The following RXYLT1 variants were observed in gnomAD, a reference collection of about 807,000 sequenced individuals.
The protein encoded by RXYLT1 is ribitol xylosyltransferase 1.
A neutral mutation model predicts 43.5 loss-of-function variants in RXYLT1; 41 were observed. That is an observed-to-expected ratio of 0.94 (90% CI 0.73 to 1.22). RXYLT1 has a LOEUF of 1.22. Among genes scored for constraint, RXYLT1 ranks in the 50% most tolerant of loss-of-function variants. The pLI, the probability that RXYLT1 is intolerant of heterozygous loss-of-function variation, is 0.00. For synonymous variants in RXYLT1, 166 were observed against 194.4 expected, an observed-to-expected ratio of 0.85 and a Z score of 1.21; for missense variants, 514 against 532.0, an observed-to-expected ratio of 0.97 and a Z score of 0.33.
At chr12:63,799,833 A>T (rs1039575195) in intron 3 of RXYLT1, among the ~76,000 whole-genome samples, 1 of 152,220 alleles carries the variant, frequency 6.6e-6, no homozygotes, top group African/African-American at 2.4e-5. Flanking sequence ...AAAGAGAAAT[A>T]CAAAGTATTC....
intron 4 of RXYLT1, among the ~76,000 whole-genome samples, chr12:63,803,181 C>CAAAAAAA (rs763579072): frequency 9.7e-4 from 22 of 22,588 alleles, no homozygotes; most frequent in Admixed American, 2.0e-3. Context: ...ACTGTCTCAC[C>CAAAAAAA]AAAAAAAAAA....
chr12:63,790,982 C>T (rs1275662429), intron 3 of RXYLT1, among the ~76,000 whole-genome samples: 1 of 152,136 alleles, frequency 6.6e-6, no homozygotes, highest in Non-Finnish European at 1.5e-5. Flanking sequence ...TGTTCCTTAA[C>T]TAAGTACTGC....
chr12:63,800,322 A>G (rs1165388640), intron 3 of RXYLT1, among the ~76,000 whole-genome samples: 1 of 152,222 alleles, frequency 6.6e-6, no homozygotes. Context: ...TGTATCATGT[A>G]TATAAAAGGC....
chr12:63,805,091 A>C, intron 4 of RXYLT1, 143 bp from the exon 5 acceptor site: 3 of 553,794 alleles, frequency 5.4e-6, no homozygotes, highest in Non-Finnish European at 8.6e-6. Flanking sequence ...TTTCCAAAGT[A>C]TTCATGGAAA....
intron 3 of RXYLT1, among the ~76,000 whole-genome samples, chr12:63,791,708 A>T (rs1897922431): frequency 6.6e-6 from 1 of 152,252 alleles, no homozygotes; most frequent in Admixed American, 6.5e-5. Context: ...TCCTTTAAAA[A>T]ATAGTAGTGA....
At position 63,809,088 on chromosome 12, in the gene RXYLT1, GTTAA is replaced by G. The variant is rs1320178225; in HGVS notation, c.1332_*3del. 2.0e-6 allele frequency: 3 copies of G among 1,502,290 alleles called. No homozygotes were observed. Among genetic ancestry groups the G allele is most frequent in the Non-Finnish European group, 2.7e-6 (3 of 1,112,558 alleles). The allele number at this position is 1,502,290 out of a possible 1,614,324, so 93.1% of individuals were successfully genotyped here. A position where few individuals can be genotyped will look rare whatever the true frequency, so the allele number is the denominator to read the frequency against. The stretch of plus-strand genomic sequence containing the variant: ...AGCTCATTTTTAATGAATAATAAAA[GTTAA>G]TTATCTTTTTGAGCTAACATGTGAT... On this transcript the variant is annotated frameshift_variant and stop_lost, in exon 6 of 6. Transcript: ENST00000261234. LOFTEE classifies it high-confidence loss of function.
At chr12:63,780,491 C>T (rs1336887136) in intron 1 of RXYLT1, 1 of 1,097,926 alleles carries the variant, frequency 9.1e-7, no homozygotes, top group Non-Finnish European at 1.1e-6. Context: ...CATGTTGAAA[C>T]AAAGCCCTCT....
chr12:63,793,771 ATAGTAT>A (rs1897969171), intron 3 of RXYLT1, among the ~76,000 whole-genome samples: 1 of 152,216 alleles, frequency 6.6e-6, no homozygotes. Context: ...TTCACATAGG[ATAGTAT>A]TATATTATTT....
chr12:63,800,279 G>C (rs565181255), intron 3 of RXYLT1, among the ~76,000 whole-genome samples: 1 of 152,240 alleles, frequency 6.6e-6, no homozygotes, highest in African/African-American at 2.4e-5. Flanking sequence ...AGAGTTGTTG[G>C]GGGGGTTAAT....
chr12:63,780,073 G>A lies in RXYLT1; in HGVS notation c.113G>A (p.Gly38Glu), dbSNP rs376486641. 45 of 1,598,430 alleles carry A rather than the reference G, an allele frequency of 2.8e-5. 1 individual carries two copies. Among genetic ancestry groups the A allele is most frequent in the Middle Eastern group, 3.3e-4 (2 of 6,022 alleles). Residue 38 changes from glycine (G) to glutamate (E), a missense_variant, in exon 1 of 6, where the codon GGG becomes GAG. Transcript: ENST00000261234. ...GGGCGCCGCCGCCAGGCGCCGGCCGGGTCCCCGCGGGGCCTCAGGAAGGGG... is the reference window on the plus strand; with the variant it reads ...GGGCGCCGCCGCCAGGCGCCGGCCGAGTCCCCGCGGGGCCTCAGGAAGGGG... ...FFGRRRQAPA[G>E]SPRGLRKGAA...
At chr12:63,784,904 G>T in intron 2 of RXYLT1, 66 bp from the exon 3 acceptor site, 1 of 1,373,036 alleles carries the variant, frequency 7.3e-7, no homozygotes. Context: ...ACGTAAACTT[G>T]TCTCATGCAC....
At position 63,808,826 on chromosome 12, in the gene RXYLT1, G is replaced by C. The variant is rs541352798; in HGVS notation, c.1066G>C (p.Val356Leu). 1 of 1,614,118 alleles carries C rather than the reference G, an allele frequency of 6.2e-7. No individual in the cohort carries two copies. Among genetic ancestry groups the C allele is most frequent in the Non-Finnish European group, 8.5e-7 (1 of 1,180,020 alleles). Reference protein sequence around the residue: ...SYGSIPVVEDVMTAGNCGNTS... With the variant: ...SYGSIPVVEDLMTAGNCGNTS... ...TGGCTCCATTCCTGTGGTGGAAGAC[G>C]TGATGACAGCTGGCAACTGTGGGAA... Residue 356 changes from valine (V) to leucine (L), a missense_variant, in exon 6 of 6, where the codon GTG becomes CTG. Val to Leu is a conservative substitution (Grantham distance 32). Transcript: ENST00000261234.
chr12:63,795,598 A>T (rs1035295571), intron 3 of RXYLT1: 2 of 151,368 alleles, frequency 1.3e-5, no homozygotes, highest in African/African-American at 4.9e-5. Context: ...AAAAAAAAGT[A>T]TTAAAATATA....
chr12:63,808,550 T>C (rs990461171), intron 5 of RXYLT1, 125 bp from the exon 6 acceptor site: 11 of 1,026,784 alleles, frequency 1.1e-5, no homozygotes, highest in Non-Finnish European at 1.5e-5. Context: ...ATATCTCTTA[T>C]GCCTATCATC....
intron 2 of RXYLT1, among the ~76,000 whole-genome samples, chr12:63,781,543 C>T (rs2136219996): frequency 1.3e-5 from 2 of 152,322 alleles, no homozygotes; most frequent in Non-Finnish European, 2.9e-5. Context: ...TGGCCAAACA[C>T]ATTTGGGAAA....
At chr12:63,787,706 C>A (rs536334375) in intron 3 of RXYLT1, among the ~76,000 whole-genome samples, 22 of 152,246 alleles carry the variant, frequency 1.4e-4, no homozygotes, top group African/African-American at 5.3e-4. Flanking sequence ...CAGCTTCCTG[C>A]AACTTGCGCC....
At chr12:63,807,386 C>T (rs1443609926) in intron 5 of RXYLT1, 1 of 152,246 alleles carries the variant, frequency 6.6e-6, no homozygotes, top group African/African-American at 2.4e-5. Flanking sequence ...TTTATTTAAA[C>T]ACGTGACTTT....
intron 3 of RXYLT1, among the ~76,000 whole-genome samples, chr12:63,797,667 G>A (rs1386905589): frequency 6.6e-6 from 1 of 152,124 alleles, no homozygotes; most frequent in Admixed American, 6.5e-5. Context: ...TTATTCTAGG[G>A]TAGTGAAAAG....
chr12:63,804,997 C>A (rs367847445), intron 4 of RXYLT1: 6 of 386,136 alleles, frequency 1.6e-5, no homozygotes, highest in East Asian at 1.2e-4. Flanking sequence ...AAACAAATAA[C>A]TTTAGGCACA....
Sources: allele counts gnomAD v4.1 joint callset (sites outside exome capture counted in the v4.1 genomes callset), GRCh38; gene constraint gnomAD v4.1.1; transcripts MANE v1.5; gene names NCBI Gene and HGNC (gene_info 2026-07-23, HGNC 2026-07-21).